Variants in FAM118B observed in about 807,000 individuals in gnomAD.
FAM118B encodes the protein SIR2 antiphage like 1, also known as protein FAM118B.
FAM118B carries 24 observed loss-of-function variants against 38.5 expected under a neutral mutation model. The ratio of observed to expected loss-of-function variants is 0.62; its 90% CI spans 0.45 to 0.88. The LOEUF (loss-of-function observed/expected upper bound fraction) is 0.88, where lower values mean the gene tolerates loss of function less well. Among genes scored for constraint, FAM118B ranks in the 40% least tolerant of loss-of-function variants. The pLI is 0.00. For synonymous variants in FAM118B, 138 were observed against 156.3 expected, an observed-to-expected ratio of 0.88 and a Z score of 0.87; for missense variants, 334 against 420.0, an observed-to-expected ratio of 0.80 and a Z score of 1.79.
Position 126,250,493 on chromosome 11 carries a change from A to G in FAM118B, c.340-13A>G. Reference sequence around the variant, plus strand: ...ACTTTGGACTAATTTTCTTTTTTCAAATCCCTCCTCAGCGTACCAGTAATG... The same window carrying G: ...ACTTTGGACTAATTTTCTTTTTTCAGATCCCTCCTCAGCGTACCAGTAATG... On this transcript the variant is annotated splice_polypyrimidine_tract_variant and intron_variant, in intron 4 of 8. Transcript: ENST00000533050. The surrounding 1 kb of genome is among the most constrained non-coding windows in gnomAD (Gnocchi z 5.1). 2 of 1,594,444 alleles carry G rather than the reference A, an allele frequency of 1.3e-6. No individual in the cohort carries two copies. Among genetic ancestry groups the G allele is most frequent in the South Asian group, 2.2e-5 (2 of 89,802 alleles).
intron 3 of FAM118B, among the ~76,000 whole-genome samples, chr11:126,235,614 G>A (rs1950263317): frequency 6.6e-6 from 1 of 152,058 alleles, no homozygotes; most frequent in African/African-American, 2.4e-5. Flanking sequence ...CACCTCCCGG[G>A]TTCAAGAAAT....
intron 1 of FAM118B, among the ~76,000 whole-genome samples, chr11:126,223,553 G>A (rs1292999988): frequency 6.8e-6 from 1 of 146,452 alleles, no homozygotes; most frequent in African/African-American, 2.6e-5. Flanking sequence ...AGCCGAGATC[G>A]CCACTGCACT....
intron 2 of FAM118B, chr11:126,233,627 T>A: frequency 2.4e-6 from 1 of 413,490 alleles, no homozygotes; most frequent in Non-Finnish European, 4.8e-6. Context: ...GGAAACATGA[T>A]CTACTTCCTA....
In FAM118B at chr11:126,253,524, T is replaced by TA. The variant is rs1164245786; in HGVS notation, c.568-780dup. Among the ~76,000 whole-genome samples, 1 of 152,220 alleles carries TA rather than the reference T, an allele frequency of 6.6e-6. No homozygotes were observed. The highest frequency in any genetic ancestry group is 1.5e-5 in the Non-Finnish European group (1 of 68,030). ...TGACTGAAGTGATTTTTCTATCACT[T>TA]ATCTATTGCTGTACAAGTAATGGCC... On this transcript the variant is annotated intron_variant, in intron 5 of 8. Transcript: ENST00000533050. The surrounding 1 kb of genome is among the most constrained non-coding windows in gnomAD (Gnocchi z 5.1).
chr11:126,241,286 A>G (rs1591517102), intron 4 of FAM118B: 3 of 391,624 alleles, frequency 7.7e-6, no homozygotes, highest in East Asian at 3.7e-5. Flanking sequence ...TGAGGACTTT[A>G]TATGTACAAA....
intron 4 of FAM118B, among the ~76,000 whole-genome samples, chr11:126,247,304 A>G (rs988804865): frequency 6.6e-6 from 1 of 152,116 alleles, no homozygotes; most frequent in Non-Finnish European, 1.5e-5. Context: ...AAAAGAGACA[A>G]ACTTCCATTT....
Position 126,211,782 on chromosome 11 carries a change from G to T in FAM118B, c.-125G>T. The stretch of plus-strand genomic sequence containing the variant: ...GGGACGGTGCGCGCTCAGTGCGGCT[G>T]CGCCGGCCGGTAGCTGCAGCTGGAG... On this transcript the variant is annotated 5_prime_UTR_variant, in exon 1 of 9. Coordinates refer to ENST00000533050, the MANE Select transcript of FAM118B (RefSeq NM_024556.4). 2.3e-6 allele frequency: 2 copies of T among 870,782 alleles called. No homozygotes were observed. The highest frequency in any genetic ancestry group is 3.5e-6 in the Non-Finnish European group (2 of 575,942). The allele number at this position is 870,782 out of a possible 1,614,324, so 53.9% of individuals were successfully genotyped here.
chr11:126,214,938 C>CCTCAAACTGTGATTTGCTATAA (rs1565322691), intron 1 of FAM118B, among the ~76,000 whole-genome samples: 1 of 152,184 alleles, frequency 6.6e-6, no homozygotes, highest in Non-Finnish European at 1.5e-5. Context: ...AGTTAAGTTA[C>CCTCAAACTGTGATTTGCTATAA]GCCTCCTCAA....
intron 1 of FAM118B, chr11:126,214,517 T>TTTTTTTTTG (rs1949952965): frequency 3.1e-5 from 3 of 95,442 alleles, no homozygotes; most frequent in Non-Finnish European, 4.2e-5. Flanking sequence ...TTTTTTTGTT[T>TTTTTTTTTG]TTTTTTTTTT....
intron 5 of FAM118B, among the ~76,000 whole-genome samples, chr11:126,251,923 C>G (rs1950509218): frequency 1.3e-5 from 2 of 151,966 alleles, no homozygotes; most frequent in Non-Finnish European, 2.9e-5. Context: ...CTCAGGTGAT[C>G]TGCTAACCTC....
chr11:126,262,197 A>G lies in FAM118B; in HGVS notation c.*64A>G. 1 of 1,563,344 alleles carries G rather than the reference A, an allele frequency of 6.4e-7. No individual in the cohort carries two copies. The highest frequency in any genetic ancestry group is 8.8e-7 in the Non-Finnish European group (1 of 1,135,602). On this transcript the variant is annotated 3_prime_UTR_variant, in exon 9 of 9. Coordinates refer to ENST00000533050, the MANE Select transcript of FAM118B (RefSeq NM_024556.4). ...AAGGCCCTACTACAGACAGTGTTTA[A>G]CAAGTAAACTTACAAGAACCCAACA...
At chr11:126,227,697 C>T (rs1199724061) in intron 1 of FAM118B, among the ~76,000 whole-genome samples, 2 of 152,180 alleles carry the variant, frequency 1.3e-5, no homozygotes, top group African/African-American at 2.4e-5. Flanking sequence ...AATGTGGGGA[C>T]CTCCAGGATA....
At chr11:126,251,731 CTT>C (rs1253065266) in intron 5 of FAM118B, among the ~76,000 whole-genome samples, 17 of 137,354 alleles carry the variant, frequency 1.2e-4, no homozygotes, top group Admixed American at 2.2e-4. Context: ...TAACTTGCAG[CTT>C]TTTTTTTTTT....
At position 126,227,058 on chromosome 11, in the gene FAM118B, CTTTTTT is replaced by C. The variant is rs575065140; in HGVS notation, c.-76-2150_-76-2145del. Reference sequence around the variant, plus strand: ...GAATGCTCTCAAACAATACAAGCTTCTTTTTTTTTTTTTTTTTTTTTTGAGACTGAG... The same window carrying C: ...GAATGCTCTCAAACAATACAAGCTTCTTTTTTTTTTTTTTTTGAGACTGAG... On this transcript the variant is annotated intron_variant, in intron 1 of 8. Coordinates refer to ENST00000533050, the MANE Select transcript of FAM118B (RefSeq NM_024556.4). 1.4e-4 allele frequency among the ~76,000 whole-genome samples: 14 copies of C among 97,164 alleles called. No individual in the cohort carries two copies. In the East Asian group the frequency reaches 3.0e-3, roughly 21 times the overall value. 63.7% of individuals were successfully genotyped at this position (97,164 alleles called of 152,430 possible).
At chr11:126,232,673 T>A (rs529003986) in intron 2 of FAM118B, among the ~76,000 whole-genome samples, 99 of 151,798 alleles carry the variant, frequency 6.5e-4, no homozygotes, top group African/African-American at 2.2e-3. Flanking sequence ...AAAAATATAT[T>A]TTTTTAAGTT....
intron 2 of FAM118B, among the ~76,000 whole-genome samples, chr11:126,234,081 CAAAAA>C (rs1387689114): frequency 6.6e-6 from 1 of 151,506 alleles, no homozygotes; most frequent in South Asian, 2.1e-4. Flanking sequence ...GACCCAGTCT[CAAAAA>C]AAGAAAAGAA....
rs1436607046 is a variant in FAM118B, at chr11:126,252,584, AG to A, written c.568-1720del. Among the ~76,000 whole-genome samples, 1 of 152,112 alleles carries A rather than the reference AG, an allele frequency of 6.6e-6. No individual in the cohort carries two copies. Among genetic ancestry groups the A allele is most frequent in the African/African-American group, 2.4e-5 (1 of 41,412 alleles). ...ATAGCAAGACCCCATCTCTACAAAA[AG>A]TTTAAAAATTAGCCGGGCATGGTGG... On this transcript the variant is annotated intron_variant, in intron 5 of 8. Coordinates refer to ENST00000533050, the MANE Select transcript of FAM118B (RefSeq NM_024556.4). The surrounding 1 kb of genome is among the most constrained non-coding windows in gnomAD (Gnocchi z 4.7).
chr11:126,226,910 A>G lies in FAM118B; in HGVS notation c.-76-2315A>G, dbSNP rs1048828901. Among the ~76,000 whole-genome samples the G allele has an allele frequency of 4.0e-5, 6 of 150,780 alleles. No individual in the cohort carries two copies. The East Asian group carries it at 7.9e-4, about 20-fold the overall frequency. ...ACCAAGCCTGATGGTGGAGGCTGCA[A>G]TGAGCTATGATCATGCCTGGGCAAC... is the stretch of plus-strand genomic sequence containing the variant. On this transcript the variant is annotated intron_variant, in intron 1 of 8. Coordinates refer to ENST00000533050, the MANE Select transcript of FAM118B (RefSeq NM_024556.4).
chr11:126,215,350 C>G (rs976334387), intron 1 of FAM118B, among the ~76,000 whole-genome samples: 3 of 152,148 alleles, frequency 2.0e-5, no homozygotes, highest in African/African-American at 7.2e-5. Context: ...CTTTTTGCCA[C>G]TGAGCTAATG....
Sources: allele counts gnomAD v4.1 joint callset (sites outside exome capture counted in the v4.1 genomes callset), GRCh38; gene constraint gnomAD v4.1.1; non-coding constraint Gnocchi (gnomAD v3.1); transcripts MANE v1.5; gene names NCBI Gene and HGNC (gene_info 2026-07-23, HGNC 2026-07-21).